The following SH3BGRL2 variants were observed in gnomAD, a reference collection of about 807,000 sequenced individuals.
SH3BGRL2 encodes the protein SH3 domain-binding glutamic acid-rich-like protein 2.
A neutral mutation model predicts 14.8 loss-of-function variants in SH3BGRL2; 21 were observed. The ratio of observed to expected loss-of-function variants is 1.42; its 90% CI spans 1.01 to 2.05. SH3BGRL2 has a LOEUF of 2.05. SH3BGRL2 is among the 30% of genes most tolerant of loss of function. SH3BGRL2 has a pLI of 0.00. For synonymous variants in SH3BGRL2, 50 were observed against 47.8 expected, an observed-to-expected ratio of 1.05 and a Z score of -0.19; for missense variants, 147 against 130.8, an observed-to-expected ratio of 1.12 and a Z score of -0.61.
intron 2 of SH3BGRL2, among the ~76,000 whole-genome samples, chr6:79,676,007 T>G (rs1769875076): frequency 6.6e-6 from 1 of 152,218 alleles, no homozygotes; most frequent in Non-Finnish European, 1.5e-5. Context: ...TGTTTCCCTG[T>G]GGGATGACTC....
the SH3BGRL2 span, among the ~76,000 whole-genome samples, chr6:79,556,760 A>G: frequency 6.6e-6 from 1 of 152,138 alleles, no homozygotes; most frequent in South Asian, 2.1e-4. Flanking sequence ...GTGGTTAAAT[A>G]TGCTATGGTA....
At chr6:79,671,449 C>T (rs369173420) in intron 1 of SH3BGRL2, among the ~76,000 whole-genome samples, 1 of 152,076 alleles carries the variant, frequency 6.6e-6, no homozygotes, top group South Asian at 2.1e-4. Flanking sequence ...AACTCTGTCT[C>T]AAAACAAAAC....
chr6:79,548,222 C>T, the SH3BGRL2 span, among the ~76,000 whole-genome samples: 1 of 151,994 alleles, frequency 6.6e-6, no homozygotes, highest in African/African-American at 2.4e-5. Context: ...ACAATTTTAT[C>T]ATCTTAAAAA....
chr6:79,611,960 C>T, the SH3BGRL2 span, among the ~76,000 whole-genome samples: 2,471 of 152,190 alleles, frequency 0.016, 61 homozygotes, highest in African/African-American at 0.055. Flanking sequence ...TAAATACCAG[C>T]TATAATGGCA....
intron 1 of SH3BGRL2, 33 bp downstream of exon 1, chr6:79,631,539 G>C (rs764256198): frequency 1.4e-6 from 2 of 1,401,066 alleles, no homozygotes. Flanking sequence ...GTAGGTTGGG[G>C]TCGCGGGGCG....
chr6:79,573,587 T>C, the SH3BGRL2 span, among the ~76,000 whole-genome samples: 1 of 152,132 alleles, frequency 6.6e-6, no homozygotes, highest in South Asian at 2.1e-4. Flanking sequence ...TGAAGGAAAA[T>C]TGATATCTTT....
chr6:79,597,291 AG>A, the SH3BGRL2 span, among the ~76,000 whole-genome samples: 1 of 123,070 alleles, frequency 8.1e-6, no homozygotes, highest in Non-Finnish European at 1.9e-5. Flanking sequence ...AGAAAGAAAG[AG>A]AGAAAGAGAG....
intron 1 of SH3BGRL2, among the ~76,000 whole-genome samples, chr6:79,650,842 A>G (rs977253740): frequency 1.2e-4 from 18 of 151,938 alleles, no homozygotes; most frequent in Admixed American, 3.3e-4. Flanking sequence ...AAGTATATCA[A>G]TTTATGCCTA....
chr6:79,595,097 T>C, the SH3BGRL2 span, among the ~76,000 whole-genome samples: 1 of 152,146 alleles, frequency 6.6e-6, no homozygotes, highest in African/African-American at 2.4e-5. Context: ...ACCAGCCTGA[T>C]GAACAGGGAG....
rs577973259 is a variant in SH3BGRL2 at position 79,655,497 on chromosome 6, A to G, written c.46-18117A>G. ...TATACAATTCGGTGGCTTTCAGGAT[A>G]TTTGCAGAATTGTCAGCTATCACCA... On this transcript the variant is annotated intron_variant, in intron 1 of 3. Coordinates refer to ENST00000369838, the MANE Select transcript of SH3BGRL2 (RefSeq NM_031469.4). Among the ~76,000 whole-genome samples the G allele has an allele frequency of 2.6e-5, 4 of 152,160 alleles. No homozygotes were observed. The South Asian group carries it at 8.3e-4, about 32-fold the overall frequency.
chr6:79,676,647 A>G (rs62411077), intron 2 of SH3BGRL2, among the ~76,000 whole-genome samples: 41,237 of 132,392 alleles, frequency 0.31, 6,640 homozygotes, highest in South Asian at 0.47. Context: ...GTGTATATAT[A>G]TATAATCTTT....
chr6:79,651,683 C>A (rs1769299383), intron 1 of SH3BGRL2, among the ~76,000 whole-genome samples: 1 of 152,136 alleles, frequency 6.6e-6, no homozygotes, highest in South Asian at 2.1e-4. Context: ...ATGTGATGTG[C>A]ACATTGTCTT....
At chr6:79,692,385 C>CT (rs1465700015) in intron 2 of SH3BGRL2, among the ~76,000 whole-genome samples, 1 of 152,138 alleles carries the variant, frequency 6.6e-6, no homozygotes, top group African/African-American at 2.4e-5. Flanking sequence ...TCAATTTTGG[C>CT]TTTTGTTGCC....
chr6:79,543,936 T>TA, the SH3BGRL2 span, among the ~76,000 whole-genome samples: 1 of 152,178 alleles, frequency 6.6e-6, no homozygotes, highest in Non-Finnish European at 1.5e-5. Context: ...ATATGGTAGT[T>TA]AAAATCAGAA....
the SH3BGRL2 span, chr6:79,575,362 C>G: frequency 6.6e-6 from 1 of 152,002 alleles, no homozygotes; most frequent in Non-Finnish European, 1.5e-5. Context: ...TTAAAATTTC[C>G]CATACTATAT....
chr6:79,583,755 C>A, the SH3BGRL2 span, among the ~76,000 whole-genome samples: 16,231 of 152,172 alleles, frequency 0.11, 974 homozygotes, highest in Non-Finnish European at 0.13. Context: ...CGTTGTGCAC[C>A]TGTACCCTAG....
chr6:79,642,259 G>A (rs1268140209), intron 1 of SH3BGRL2, among the ~76,000 whole-genome samples: 1 of 152,038 alleles, frequency 6.6e-6, no homozygotes, highest in Non-Finnish European at 1.5e-5. Context: ...TATTTACATA[G>A]CATTTACGTT....
At chr6:79,663,200 G>A (rs750122118) in intron 1 of SH3BGRL2, among the ~76,000 whole-genome samples, 6 of 152,166 alleles carry the variant, frequency 3.9e-5, no homozygotes, top group Non-Finnish European at 8.8e-5. Flanking sequence ...GCTGGCGAGG[G>A]ACTGCCATCC....
the SH3BGRL2 span, chr6:79,561,441 ATTC>A: frequency 6.6e-6 from 1 of 152,146 alleles, no homozygotes; most frequent in African/African-American, 2.4e-5. Flanking sequence ...GACTATCACA[ATTC>A]TTTCAATTAC....
Sources: gnomAD v4.1 joint callset for allele counts (sites outside exome capture counted in the v4.1 genomes callset) on GRCh38, gnomAD v4.1.1 for gene constraint, MANE v1.5 for transcripts, NCBI Gene and HGNC (gene_info 2026-07-23, HGNC 2026-07-21) for gene names.